PSD3: variants seen among roughly 807,000 people sequenced by gnomAD.
The protein encoded by PSD3 is PH and SEC7 domain-containing protein 3.
In PSD3, 49 loss-of-function variants were observed where a neutral mutation model predicts 105.5. That is an observed-to-expected ratio of 0.46 (90% CI 0.37 to 0.59). PSD3 has a LOEUF of 0.59. Among genes scored for constraint, PSD3 ranks in the 20% least tolerant of loss-of-function variants. The pLI, the probability that PSD3 is intolerant of heterozygous loss-of-function variation, is 0.00. For missense variants in PSD3, 1,561 were observed against 1,263.8 expected, an observed-to-expected ratio of 1.24 and a Z score of -3.57; for synonymous variants, 557 against 457.8, an observed-to-expected ratio of 1.22 and a Z score of -2.77.
chr8:18,754,013 T>G (rs920144570), intron 9 of PSD3, among the ~76,000 whole-genome samples: 1 of 152,162 alleles, frequency 6.6e-6, no homozygotes, highest in Non-Finnish European at 1.5e-5. Context: ...TGCCCCTCTA[T>G]CTGAGGAACA....
At chr8:18,778,216 T>A (rs1177129289) in intron 8 of PSD3, among the ~76,000 whole-genome samples, 1 of 152,186 alleles carries the variant, frequency 6.6e-6, no homozygotes, top group Admixed American at 6.5e-5. Flanking sequence ...CCAGGTTTTT[T>A]CTTTTGTAGC....
At chr8:18,687,138 C>G (rs942857557) in intron 9 of PSD3, among the ~76,000 whole-genome samples, 1 of 152,208 alleles carries the variant, frequency 6.6e-6, no homozygotes, top group African/African-American at 2.4e-5. Flanking sequence ...TTTCCCTTCT[C>G]TATCGGCTCT....
At chr8:19,057,130 C>A (rs143532522) in intron 1 of PSD3, among the ~76,000 whole-genome samples, 205 of 152,312 alleles carry the variant, frequency 1.3e-3, no homozygotes, top group African/African-American at 4.7e-3. Context: ...ACTCCCTGTA[C>A]TGCTCTCACT....
intron 8 of PSD3, among the ~76,000 whole-genome samples, chr8:18,773,120 A>G (rs758216260): frequency 2.0e-5 from 3 of 152,014 alleles, no homozygotes; most frequent in South Asian, 4.1e-4. Context: ...TTTTTCCCCT[A>G]TGTTTTTTCT....
intron 1 of PSD3, among the ~76,000 whole-genome samples, chr8:19,080,854 G>C (rs1829622088): frequency 6.6e-6 from 1 of 152,058 alleles, no homozygotes; most frequent in Non-Finnish European, 1.5e-5. Flanking sequence ...ATTTTCTAAG[G>C]CTGCTTATAT....
At chr8:18,645,462 T>C (rs1807961545) in intron 10 of PSD3, among the ~76,000 whole-genome samples, 1 of 152,248 alleles carries the variant, frequency 6.6e-6, no homozygotes, top group South Asian at 2.1e-4. Flanking sequence ...CATTTCTGTT[T>C]CTTTTCTTAC....
intron 8 of PSD3, among the ~76,000 whole-genome samples, chr8:18,782,631 GA>G (rs1190523819): frequency 3.3e-5 from 5 of 152,214 alleles, no homozygotes; most frequent in Non-Finnish European, 5.9e-5. Flanking sequence ...TCAGGAGGAC[GA>G]ATCCTTGGTC....
At chr8:18,975,956 C>T (rs149397720) in intron 1 of PSD3, among the ~76,000 whole-genome samples, 2,211 of 152,230 alleles carry the variant, frequency 0.015, 69 homozygotes, top group African/African-American at 0.05. Flanking sequence ...ACAGAAAATA[C>T]GAATCAATGC....
intron 9 of PSD3, among the ~76,000 whole-genome samples, chr8:18,731,931 G>A (rs112466950): frequency 0.014 from 2,060 of 152,232 alleles, 15 homozygotes; most frequent in Non-Finnish European, 0.022. Flanking sequence ...GCTATTTGAG[G>A]AGTCTGAGAG....
chr8:18,755,444 T>TAACAC (rs1195858395), intron 9 of PSD3, among the ~76,000 whole-genome samples: 3 of 148,944 alleles, frequency 2.0e-5, no homozygotes, highest in Non-Finnish European at 4.5e-5. Flanking sequence ...TAACATAACA[T>TAACAC]AACATAACAT....
intron 4 of PSD3, among the ~76,000 whole-genome samples, chr8:18,836,950 G>A (rs1441374392): frequency 1.3e-5 from 2 of 149,218 alleles, no homozygotes; most frequent in East Asian, 1.9e-4. Context: ...AGTTTCTTAC[G>A]TGTTTTTTTT....
chr8:18,636,834 T>C (rs370463726), intron 10 of PSD3, among the ~76,000 whole-genome samples: 1 of 152,234 alleles, frequency 6.6e-6, no homozygotes, highest in East Asian at 1.9e-4. Context: ...ACACATGATG[T>C]TCACACAGTG....
intron 11 of PSD3, among the ~76,000 whole-genome samples, chr8:18,612,295 C>T (rs989552198): frequency 1.3e-5 from 2 of 152,176 alleles, no homozygotes; most frequent in Non-Finnish European, 2.9e-5. Context: ...TCAGTTACTT[C>T]AGGTTGACAT....
At chr8:18,973,042 G>C (rs1339844586) in intron 1 of PSD3, among the ~76,000 whole-genome samples, 1 of 152,180 alleles carries the variant, frequency 6.6e-6, no homozygotes, top group Non-Finnish European at 1.5e-5. Flanking sequence ...GGATAATGTA[G>C]ACCTGAGTCT....
rs1486231426 is a variant in PSD3 at position 18,804,772 on chromosome 8, C to A, written c.1761G>T (p.Arg587Ser). Residue 587 changes from arginine (R) to serine (S), a missense_variant, in exon 5 of 16, where the codon AGG becomes AGT. Transcript: ENST00000327040. Reference sequence around the variant, plus strand: ...CCAGCTGATAAAGGCGTTTGGCCAACCTTTTGGCTGCTTCCACATTGCTGC... The same window carrying A: ...CCAGCTGATAAAGGCGTTTGGCCAAACTTTTGGCTGCTTCCACATTGCTGC... ...GTSSNVEAAKRLAKRLYQLDR... is the reference protein window; with the variant it reads ...GTSSNVEAAKSLAKRLYQLDR... The A allele has an allele frequency of 2.5e-6, 4 of 1,614,154 alleles. No individual in the cohort carries two copies. Among genetic ancestry groups the A allele is most frequent in the Non-Finnish European group, 3.4e-6 (4 of 1,180,012 alleles).
chr8:19,076,918 T>C lies in PSD3; in HGVS notation c.324+7288A>G, dbSNP rs182103905. ...ATACCAGCTTTGTAGGAGGCCTTTA[T>C]GGGATGGACTTTTGGGTTGCTTTTC... On this transcript the variant is annotated intron_variant, in intron 1 of 1. Coordinates refer to the PSD3 transcript ENST00000521475. Among the ~76,000 whole-genome samples the C allele has an allele frequency of 7.9e-5, 12 of 152,302 alleles. No homozygotes were observed. In the East Asian group the frequency reaches 2.3e-3, roughly 29 times the overall value.
At chr8:18,680,088 T>C (rs1800296003) in intron 9 of PSD3, among the ~76,000 whole-genome samples, 1 of 152,226 alleles carries the variant, frequency 6.6e-6, no homozygotes, top group African/African-American at 2.4e-5. Context: ...AGAGTGTTTA[T>C]CAACATGAAC....
chr8:18,696,129 T>C (rs1231405361), intron 9 of PSD3, among the ~76,000 whole-genome samples: 1 of 152,222 alleles, frequency 6.6e-6, no homozygotes, highest in Non-Finnish European at 1.5e-5. Context: ...AATGCCTCTC[T>C]AGCTTTCTCC....
At position 18,758,711 on chromosome 8, in the gene PSD3, TC is replaced by T. The variant is rs574273731; in HGVS notation, c.2172+6737del. Among the ~76,000 whole-genome samples, 15 of 152,272 alleles carry T rather than the reference TC, an allele frequency of 9.9e-5. No homozygotes were observed. The East Asian group carries it at 2.5e-3, about 25-fold the overall frequency. On this transcript the variant is annotated intron_variant, in intron 9 of 15. Transcript: ENST00000327040. ...GCTGATCTTTTGAGTCTGTTTAAATTCTACCTTCTTGGCTAATTACTCCATC... is the reference window on the plus strand; with the variant it reads ...GCTGATCTTTTGAGTCTGTTTAAATTTACCTTCTTGGCTAATTACTCCATC...
Sources: allele counts gnomAD v4.1 joint callset (sites outside exome capture counted in the v4.1 genomes callset), GRCh38; gene constraint gnomAD v4.1.1; transcripts MANE v1.5; gene names NCBI Gene and HGNC (gene_info 2026-07-23, HGNC 2026-07-21).